The following RELCH variants were observed in gnomAD, a reference collection of about 807,000 sequenced individuals.
RELCH encodes the protein RAB11 binding and LisH domain, coiled-coil and HEAT repeat containing.
In RELCH, 41 loss-of-function variants were observed where a neutral mutation model predicts 150.3. That is an observed-to-expected ratio of 0.27 (90% CI 0.21 to 0.35). RELCH has a LOEUF of 0.35. RELCH is among the 10% of genes least tolerant of loss of function. RELCH has a pLI of 1.00. For missense variants in RELCH, 1,092 were observed against 1,467.8 expected (o/e 0.74, Z 4.18); for synonymous variants, 478 against 531.8 (o/e 0.90, Z 1.39).
chr18:62,294,470 T>C (rs968394103), intron 27 of RELCH, among the ~76,000 whole-genome samples: 1 of 152,198 alleles, frequency 6.6e-6, no homozygotes, highest in South Asian at 2.1e-4. Flanking sequence ...GTATGCTTAT[T>C]GATGAGTTGT....
At chr18:62,247,170 C>A (rs2042458741) in intron 11 of RELCH, 1 of 152,134 alleles carries the variant, frequency 6.6e-6, no homozygotes, top group Non-Finnish European at 1.5e-5. Context: ...GGATCAATTT[C>A]TTCTTATCAA....
chr18:62,217,291 T>G (rs2040538285), intron 2 of RELCH, among the ~76,000 whole-genome samples: 1 of 151,872 alleles, frequency 6.6e-6, no homozygotes, highest in Non-Finnish European at 1.5e-5. Context: ...AAAATCATGG[T>G]TTTCTGTATG....
chr18:62,213,922 T>C (rs193001214), intron 2 of RELCH, among the ~76,000 whole-genome samples: 21 of 152,182 alleles, frequency 1.4e-4, no homozygotes, highest in Admixed American at 3.3e-4. Flanking sequence ...CTGACCTAAA[T>C]GCTTTTTGAG....
At chr18:62,264,283 T>G in intron 17 of RELCH, 138 bp downstream of exon 17, 1 of 634,432 alleles carries the variant, frequency 1.6e-6, no homozygotes, top group East Asian at 3.2e-5. Context: ...ACACAGAGGA[T>G]TCACACCATT....
At position 62,219,793 on chromosome 18, in the gene RELCH, A is replaced by G. The variant is rs189077916; in HGVS notation, c.617-1244A>G. Among the ~76,000 whole-genome samples the G allele has an allele frequency of 8.3e-4, 127 of 152,120 alleles. 2 individuals are homozygous for G. The highest frequency in any genetic ancestry group is 7.9e-3 in the South Asian group (38 of 4,826). On this transcript the variant is annotated intron_variant, in intron 2 of 28. Transcript: ENST00000644646. Reference sequence around the variant, plus strand: ...GCCTTTGTGTACTAGATGTGATTCAATTACATCTTGTTTTTATTGAAAATG... The same window carrying G: ...GCCTTTGTGTACTAGATGTGATTCAGTTACATCTTGTTTTTATTGAAAATG...
At chr18:62,224,587 A>T (rs2041095313) in intron 5 of RELCH, among the ~76,000 whole-genome samples, 1 of 152,158 alleles carries the variant, frequency 6.6e-6, no homozygotes, top group South Asian at 2.1e-4. Flanking sequence ...AAACAAGGTA[A>T]GTATACAAAA....
chr18:62,243,413 C>T (rs1338167487), intron 10 of RELCH, among the ~76,000 whole-genome samples: 1 of 152,092 alleles, frequency 6.6e-6, no homozygotes, highest in Non-Finnish European at 1.5e-5. Flanking sequence ...ATTATTTTTC[C>T]TAATCATTTT....
intron 13 of RELCH, among the ~76,000 whole-genome samples, chr18:62,257,436 C>T (rs1373680787): frequency 1.3e-5 from 2 of 152,024 alleles, no homozygotes; most frequent in African/African-American, 4.8e-5. Flanking sequence ...TAGGTTTCCT[C>T]ACCATATCCC....
Position 62,307,833 on chromosome 18 carries a change from A to G in RELCH, c.*2299A>G, listed in dbSNP as rs935548587. ...GATTAAATTTTTTCAGAAATCCAGA[A>G]GTGCCATAATTACTAATTTAGCTGA... On this transcript the variant is annotated 3_prime_UTR_variant, in exon 29 of 29. Transcript: ENST00000644646. 3 of 152,210 alleles carry G rather than the reference A, an allele frequency of 2.0e-5. No individual in the cohort carries two copies. The highest frequency in any genetic ancestry group is 2.9e-5 in the Non-Finnish European group (2 of 68,034). The allele number at this position is 152,210 out of a possible 1,614,324, so 9.4% of individuals were successfully genotyped here. A position where few individuals can be genotyped will look rare whatever the true frequency, so the allele number is the denominator to read the frequency against.
intron 16 of RELCH, among the ~76,000 whole-genome samples, 161 bp from the exon 17 acceptor site, chr18:62,263,828 T>TA (rs879610570): frequency 2.0e-5 from 3 of 152,080 alleles, no homozygotes; most frequent in Non-Finnish European, 2.9e-5. Context: ...TTGATTTTCC[T>TA]AAAAATGACT....
intron 11 of RELCH, among the ~76,000 whole-genome samples, chr18:62,251,282 T>TG (rs563980686): frequency 1.6e-3 from 244 of 152,324 alleles, no homozygotes; most frequent in African/African-American, 4.2e-3. Context: ...TCATCTCAGC[T>TG]GGAGAAGGGA....
At position 62,238,078 on chromosome 18, in the gene RELCH, C is replaced by T. The variant is rs144319679; in HGVS notation, c.1620+5651C>T. Among the ~76,000 whole-genome samples, 281 of 151,778 alleles carry T rather than the reference C, an allele frequency of 1.9e-3. 1 individual carries two copies. The highest frequency in any genetic ancestry group is 5.3e-3 in the African/African-American group (220 of 41,458). On this transcript the variant is annotated intron_variant, in intron 10 of 28. Coordinates refer to ENST00000644646, the MANE Select transcript of RELCH (RefSeq NM_001346231.2). ...AAAAAGAATCCCAATTGAATTATGG[C>T]GTGCTATCTATCATAAGATACACCC...
chr18:62,252,622 T>A (rs2042777746), intron 11 of RELCH, 42 bp from the exon 12 acceptor site: 2 of 1,483,188 alleles, frequency 1.3e-6, no homozygotes, highest in Non-Finnish European at 1.9e-6. Flanking sequence ...CTAGTTGTGC[T>A]TTCTCATGCA....
Position 62,187,415 on chromosome 18 carries a change from G to A in RELCH, c.-91G>A, listed in dbSNP as rs956687075. ...AGGACGTGGTCAGGCCGGGGCTGTG[G>A]AGGTGCGCTGTGTCCCCTGAGGCCT... On this transcript the variant is annotated 5_prime_UTR_variant, in exon 1 of 29. Coordinates refer to ENST00000644646, the MANE Select transcript of RELCH (RefSeq NM_001346231.2). 7 of 1,255,814 alleles carry A rather than the reference G, an allele frequency of 5.6e-6. No homozygotes were observed. In the African/African-American group the frequency reaches 1.1e-4, roughly 20 times the overall value. The allele number at this position is 1,255,814 out of a possible 1,614,324, so 77.8% of individuals were successfully genotyped here.
intron 22 of RELCH, chr18:62,277,573 T>C (rs2044280855): frequency 9.5e-6 from 8 of 838,884 alleles, no homozygotes; most frequent in Non-Finnish European, 1.1e-5. Context: ...AACACATTCT[T>C]TTTTTAAAAG....
intron 20 of RELCH, among the ~76,000 whole-genome samples, chr18:62,273,312 AAC>A (rs1406898418): frequency 8.5e-5 from 13 of 152,090 alleles, no homozygotes; most frequent in African/African-American, 2.7e-4. Flanking sequence ...AAGTTTGAAA[AAC>A]ACAGATTATT....
At position 62,187,721 on chromosome 18, in the gene RELCH, T is replaced by G; in HGVS notation, c.216T>G (p.Pro72=). Reference sequence around the variant, plus strand: ...GAAGCAGTGCGCGGCCAGGGCTCCCTGGGGAGGCGTCGGCGGCTGCAGTGG... The same window carrying G: ...GAAGCAGTGCGCGGCCAGGGCTCCCGGGGGAGGCGTCGGCGGCTGCAGTGG... ...ALGSSARPGL[P]GEASAAAVAL... is the part of the protein sequence containing the mutation. Residue 72 remains proline (P), a synonymous_variant, in exon 1 of 29, where the codon CCT becomes CCG. Transcript: ENST00000644646. 6.2e-7 allele frequency: 1 copy of G among 1,607,832 alleles called. No homozygotes were observed. The highest frequency in any genetic ancestry group is 8.5e-7 in the Non-Finnish European group (1 of 1,175,714).
chr18:62,193,175 G>C (rs993794365), intron 1 of RELCH, among the ~76,000 whole-genome samples: 5 of 152,112 alleles, frequency 3.3e-5, no homozygotes, highest in African/African-American at 1.2e-4. Flanking sequence ...CTGCTTGTCT[G>C]TTGTTGGTGT....
At position 62,187,614 on chromosome 18, in the gene RELCH, G is replaced by C; in HGVS notation, c.109G>C (p.Ala37Pro). Residue 37 changes from alanine (A) to proline (P), a missense_variant, in exon 1 of 29, where the codon GCA (alanine) becomes CCA (proline). By Grantham distance (27) the Ala-to-Pro change is conservative. Transcript: ENST00000644646. ...DEVAATEERRAVLRLGAGSGL... is the reference protein window; with the variant it reads ...DEVAATEERRPVLRLGAGSGL... ...GGTAGCTGCAACAGAGGAACGGCGG[G>C]CAGTACTTCGGCTGGGCGCCGGAAG... 1 of 1,534,800 alleles carries C rather than the reference G, an allele frequency of 6.5e-7. No individual in the cohort carries two copies. Among genetic ancestry groups the C allele is most frequent in the Non-Finnish European group, 8.8e-7 (1 of 1,139,432 alleles).
Sources: gnomAD v4.1 joint callset for allele counts (sites outside exome capture counted in the v4.1 genomes callset) on GRCh38, gnomAD v4.1.1 for gene constraint, MANE v1.5 for transcripts, NCBI Gene and HGNC (gene_info 2026-07-23, HGNC 2026-07-21) for gene names.